RBFOX1: variants seen among roughly 807,000 people sequenced by gnomAD.
RBFOX1 encodes RNA binding protein fox-1 homolog 1.
In RBFOX1, 8 loss-of-function variants were observed where a neutral mutation model predicts 57.7. The observed-to-expected ratio is 0.14, with a 90% CI of 0.08 to 0.25. The LOEUF is 0.25. RBFOX1 is among the 10% of genes least tolerant of loss of function. The pLI is 1.00. For synonymous variants in RBFOX1, 326 were observed against 222.4 expected (o/e 1.47, Z -4.15); for missense variants, 611 against 548.5 (o/e 1.11, Z -1.14).
At chr16:7,365,812 T>C in intron 4 of RBFOX1, among the ~76,000 whole-genome samples, 1 of 152,194 alleles carries the variant, frequency 6.6e-6, no homozygotes. Flanking sequence ...ACAGGGAAGA[T>C]ACAGGTATCT....
At chr16:5,878,266 A>T (rs1440568105) in intron 4 of RBFOX1, among the ~76,000 whole-genome samples, 1 of 152,188 alleles carries the variant, frequency 6.6e-6, no homozygotes, top group African/African-American at 2.4e-5. Context: ...GGCAGCAGTG[A>T]GAACAGCCAG....
At chr16:6,935,598 C>G (rs1293754902) in intron 3 of RBFOX1, among the ~76,000 whole-genome samples, 1 of 152,110 alleles carries the variant, frequency 6.6e-6, no homozygotes, top group African/African-American at 2.4e-5. Context: ...GTGACCTATC[C>G]CCATTGTGCA....
At chr16:6,450,789 A>ATG (rs2094582264) in intron 2 of RBFOX1, among the ~76,000 whole-genome samples, 6 of 46,656 alleles carry the variant, frequency 1.3e-4, no homozygotes, top group Admixed American at 3.0e-4. Context: ...ATATATATAT[A>ATG]CATATATATA....
chr16:6,428,285 CAAAAAA>C (rs755273285), intron 2 of RBFOX1, among the ~76,000 whole-genome samples: 1 of 51,228 alleles, frequency 2.0e-5, no homozygotes, highest in Non-Finnish European at 4.0e-5. Context: ...GACCTTGTCT[CAAAAAA>C]AAAAAAAAAA....
rs547466120 is a variant in RBFOX1, at chr16:5,572,117, TG to T, written c.259-26784del. 4.3e-4 allele frequency among the ~76,000 whole-genome samples: 66 copies of T among 152,198 alleles called. 2 individuals carry two copies. In the East Asian group the frequency reaches 0.011, roughly 25 times the overall value. On this transcript the variant is annotated intron_variant, in intron 2 of 2. Coordinates refer to the RBFOX1 transcript ENST00000585867. Reference sequence around the variant, plus strand: ...TTTCCCTTGTGGTCCCTTAAATACATGATTTGTTAGGAATGGAATGGCTTAA... The same window carrying T: ...TTTCCCTTGTGGTCCCTTAAATACATATTTGTTAGGAATGGAATGGCTTAA...
At chr16:5,251,033 CTCTT>C in intron 1 of RBFOX1, among the ~76,000 whole-genome samples, 1 of 152,324 alleles carries the variant, frequency 6.6e-6, no homozygotes, top group East Asian at 1.9e-4. Flanking sequence ...ACGACCGCCC[CTCTT>C]TCTTTTATTC....
chr16:6,917,738 A>T (rs765348169), intron 3 of RBFOX1, among the ~76,000 whole-genome samples: 2 of 152,148 alleles, frequency 1.3e-5, no homozygotes, highest in Non-Finnish European at 2.9e-5. Flanking sequence ...CGGCATTCCA[A>T]GTGGACATAT....
At chr16:6,286,159 C>G (rs2076887503) in intron 1 of RBFOX1, among the ~76,000 whole-genome samples, 1 of 152,100 alleles carries the variant, frequency 6.6e-6, no homozygotes, top group Admixed American at 6.5e-5. Context: ...TTATTGGAGT[C>G]TCAGTGGGAG....
intron 1 of RBFOX1, among the ~76,000 whole-genome samples, chr16:5,275,705 G>A (rs770653441): frequency 6.6e-6 from 1 of 152,132 alleles, no homozygotes; most frequent in Non-Finnish European, 1.5e-5. Context: ...TCATCTGGAA[G>A]TATAAAAGAG....
intron 1 of RBFOX1, among the ~76,000 whole-genome samples, chr16:6,182,183 T>C (rs139238709): frequency 1.3e-3 from 192 of 152,232 alleles, no homozygotes; most frequent in African/African-American, 3.9e-3. Context: ...GGAAAGAAAA[T>C]TGGGATGCAG....
chr16:6,770,137 T>G (rs547318100), intron 3 of RBFOX1, among the ~76,000 whole-genome samples: 1 of 152,324 alleles, frequency 6.6e-6, no homozygotes, highest in African/African-American at 2.4e-5. Flanking sequence ...AAAGGCAGCT[T>G]AGTATACCCT....
intron 1 of RBFOX1, among the ~76,000 whole-genome samples, chr16:5,272,576 C>G (rs549220721): frequency 7.0e-4 from 107 of 152,296 alleles, no homozygotes; most frequent in African/African-American, 2.3e-3. Context: ...CTACCGATAC[C>G]CCACTGACGT....
intron 5 of RBFOX1, among the ~76,000 whole-genome samples, chr16:7,521,544 C>T (rs1227875436): frequency 2.0e-5 from 3 of 152,108 alleles, no homozygotes; most frequent in African/African-American, 4.8e-5. Context: ...ATTTAAATAG[C>T]GTGTTGGGTG....
chr16:7,278,715 A>G (rs142040034), intron 4 of RBFOX1, among the ~76,000 whole-genome samples: 2 of 152,340 alleles, frequency 1.3e-5, no homozygotes, highest in East Asian at 3.9e-4. Flanking sequence ...CATATTACAA[A>G]TTGCCAACTC....
Position 6,554,503 on chromosome 16 carries a change from C to T in RBFOX1, c.-63-100100C>T, listed in dbSNP as rs149032772. Reference sequence around the variant, plus strand: ...GTGAATATACTGAAAGCTACTGAATCGTGTACCCTGAATTAGTGAATTTTA... The same window carrying T: ...GTGAATATACTGAAAGCTACTGAATTGTGTACCCTGAATTAGTGAATTTTA... On this transcript the variant is annotated intron_variant, in intron 2 of 15. Transcript: ENST00000550418. 2.9e-3 allele frequency among the ~76,000 whole-genome samples: 447 copies of T among 152,248 alleles called. 1 individual carries two copies. Among genetic ancestry groups the T allele is most frequent in the African/African-American group, 0.01 (432 of 41,538 alleles).
chr16:6,154,859 T>TA (rs376147832), intron 1 of RBFOX1, among the ~76,000 whole-genome samples: 3 of 152,144 alleles, frequency 2.0e-5, no homozygotes, highest in Non-Finnish European at 2.9e-5. Flanking sequence ...CAAAACAATG[T>TA]AAAAAAATGA....
chr16:6,613,762 C>T (rs2098103661), intron 2 of RBFOX1, among the ~76,000 whole-genome samples: 3 of 152,128 alleles, frequency 2.0e-5, no homozygotes, highest in Admixed American at 2.0e-4. Context: ...CATGGCGAAA[C>T]CCCATCTCTA....
chr16:7,554,058 A>T (rs1043283221), intron 5 of RBFOX1, among the ~76,000 whole-genome samples: 1 of 152,148 alleles, frequency 6.6e-6, no homozygotes, highest in African/African-American at 2.4e-5. Context: ...GCAGCGAACT[A>T]TGATCGGAAC....
chr16:6,981,984 C>G (rs1367364650), intron 3 of RBFOX1, among the ~76,000 whole-genome samples: 1 of 152,166 alleles, frequency 6.6e-6, no homozygotes, highest in African/African-American at 2.4e-5. Context: ...AAATAAGCCT[C>G]CAAATAGTGT....
Sources: allele counts gnomAD v4.1 joint callset (sites outside exome capture counted in the v4.1 genomes callset), GRCh38; gene constraint gnomAD v4.1.1; transcripts MANE v1.5; gene names NCBI Gene and HGNC (gene_info 2026-07-23, HGNC 2026-07-21).